The following LILRB3 variants were observed in gnomAD, a reference collection of about 807,000 sequenced individuals.
LILRB3 encodes the protein leukocyte immunoglobulin like receptor B3, also known as leukocyte immunoglobulin-like receptor subfamily B member 3.
In LILRB3, 32 loss-of-function variants were observed where a neutral mutation model predicts 68.2. That is an observed-to-expected ratio of 0.47 (90% CI 0.35 to 0.63). LILRB3 has a LOEUF of 0.63. Ranked by LOEUF, LILRB3 falls within the 30% of genes least tolerant of loss-of-function variation. LILRB3 has a pLI of 0.00. For synonymous variants in LILRB3, 185 were observed against 323.1 expected (o/e 0.57, Z 4.58); for missense variants, 502 against 791.3 (o/e 0.63, Z 4.39).
chr19:54,217,443 GTCACTGCCTGGGGGTCT>G lies in LILRB3; in HGVS notation c.1608_1624del (p.Glu536AspfsTer11), dbSNP rs950211323. 6.2e-7 allele frequency: 1 copy of G among 1,609,600 alleles called. No individual in the cohort carries two copies. Among genetic ancestry groups the G allele is most frequent in the Non-Finnish European group, 8.5e-7 (1 of 1,179,240 alleles). ...ACTGGAGTGTTTCACCGGGGCATACGTCACTGCCTGGGGGTCTTCATCGTGTGGGCTCTGCTGGAGAG... is the reference window on the plus strand; with the variant it reads ...ACTGGAGTGTTTCACCGGGGCATACGTCATCGTGTGGGCTCTGCTGGAGAG... On this transcript the variant is annotated frameshift_variant, in exon 12 of 13. Transcript: ENST00000445347. LOFTEE classifies it high-confidence loss of function.
exon 13 of LILRB3, chr19:54,217,010 T>A: frequency 6.2e-7 from 1 of 1,608,470 alleles, no homozygotes; most frequent in Non-Finnish European, 8.5e-7. Flanking sequence ...TGGGGTTCAC[T>A]GGTGTCCACT....
In LILRB3 at chr19:54,217,685, C is replaced by T. The variant is rs983720535; in HGVS notation, c.1594-211G>A. 72 of 920,464 alleles carry T rather than the reference C, an allele frequency of 7.8e-5. 1 individual carries two copies. In the African/African-American group the frequency reaches 1.2e-3, roughly 15 times the overall value. 57.0% of individuals were successfully genotyped at this position (920,464 alleles called of 1,614,324 possible). On this transcript the variant is annotated intron_variant, in intron 11 of 12. Coordinates refer to ENST00000445347, the Ensembl canonical transcript of LILRB3. ...GACCTTGCCCATTTGGCTGCAGCCT[C>T]ACAGGCCTTCCTGCAAGAGCTCGCT...
intron 7 of LILRB3, chr19:54,219,674 T>G (rs2147285067): frequency 1.4e-5 from 21 of 1,480,502 alleles, no homozygotes; most frequent in Non-Finnish European, 1.9e-5. Context: ...TCCCAGGAGG[T>G]CACAGCTGGG....
intron 3 of LILRB3, 53 bp from the exon 4 acceptor site, chr19:54,222,183 C>G (rs2078255446): frequency 1.2e-6 from 2 of 1,610,940 alleles, no homozygotes; most frequent in Admixed American, 3.3e-5. Context: ...CCCACATCAT[C>G]CCCAGGGCTG....
Position 54,217,103 on chromosome 19 carries a change from G to C in LILRB3, c.1886C>G (p.Ala629Gly), listed in dbSNP as rs371999995. The stretch of plus-strand genomic sequence containing the variant: ...TGCGTACCCCCCGGGCTAGTGGATG[G>C]CCAGAGTGGCGTAGATGCTGGGCTC... Residue 629 changes from alanine to glycine, a missense_variant, in exon 13 of 13, where the codon GCC (alanine) becomes GGC (glycine). Ala to Gly is a moderately conservative substitution (Grantham distance 60, BLOSUM62 0). Coordinates refer to ENST00000445347, the Ensembl canonical transcript of LILRB3. The C allele has an allele frequency of 1.9e-6, 3 of 1,614,058 alleles. No individual in the cohort carries two copies. In the African/African-American group the frequency reaches 4.0e-5, roughly 22 times the overall value.
intron 5 of LILRB3, 26 bp downstream of exon 5, chr19:54,221,057 C>G: frequency 7.3e-7 from 1 of 1,373,372 alleles, no homozygotes; most frequent in Non-Finnish European, 9.7e-7. Flanking sequence ...GCCTGGGTCC[C>G]TGACTGAACC....
At chr19:54,216,779 ACTT>A in exon 13 of LILRB3, 1 of 1,236,792 alleles carries the variant, frequency 8.1e-7, no homozygotes, top group Non-Finnish European at 1.0e-6. Flanking sequence ...AGCAGCCTTA[ACTT>A]CTTGTGTTCA....
Position 54,218,347 on chromosome 19 carries a change from G to A in LILRB3, c.1593+14C>T. On this transcript the variant is annotated intron_variant, in intron 11 of 12. Transcript: ENST00000445347. The stretch of plus-strand genomic sequence containing the variant: ...CAGGAGGCCTTTGGTGCCTGGGACG[G>A]GGCGGGATCTCACCTGACTGTCCAG... 1 of 1,613,894 alleles carries A rather than the reference G, an allele frequency of 6.2e-7. No homozygotes were observed. Among genetic ancestry groups the A allele is most frequent in the Non-Finnish European group, 8.5e-7 (1 of 1,179,990 alleles).
Position 54,221,360 on chromosome 19 carries a change from G to GGA in LILRB3, c.676_677dup (p.Leu227ProfsTer3), listed in dbSNP as rs2078158910. On this transcript the variant is annotated frameshift_variant, in exon 5 of 13. Coordinates refer to ENST00000445347, the Ensembl canonical transcript of LILRB3. LOFTEE classifies it high-confidence loss of function. Reference sequence around the variant, plus strand: ...GGACAGGGCCCTGCAGGGTCAGGAGGGAGGGCTTCCTAGACACGCCTGGAG... The same window carrying GGA: ...GGACAGGGCCCTGCAGGGTCAGGAGGGAGAGGGCTTCCTAGACACGCCTGGAG... 1 of 1,508,792 alleles carries GGA rather than the reference G, an allele frequency of 6.6e-7. No homozygotes were observed. The highest frequency in any genetic ancestry group is 8.9e-7 in the Non-Finnish European group (1 of 1,128,850). The allele number at this position is 1,508,792 out of a possible 1,614,324, so 93.5% of individuals were successfully genotyped here. A position where few individuals can be genotyped will look rare whatever the true frequency, so the allele number is the denominator to read the frequency against.
In LILRB3 at chr19:54,219,592, G is replaced by A. The variant is rs140191371; in HGVS notation, c.1310-347C>T. On this transcript the variant is annotated intron_variant, in intron 7 of 12. Transcript: ENST00000445347. ...CTCCCCTCCCCTGCCCCAGGTCACCGTCACTGCTGCAGGTGGGACGGGACA... is the reference window on the plus strand; with the variant it reads ...CTCCCCTCCCCTGCCCCAGGTCACCATCACTGCTGCAGGTGGGACGGGACA... 140 of 1,545,130 alleles carry A rather than the reference G, an allele frequency of 9.1e-5. No individual in the cohort carries two copies. The East Asian group carries it at 1.7e-3, about 19-fold the overall frequency.
Position 54,216,710 on chromosome 19 carries a change from G to T in LILRB3, c.*383C>A, listed in dbSNP as rs2077504293. ...CACTGTTTTTTTTTTTAGAGACAAGGTCTCGCTCTGTCACACAGGCTGGAG... is the reference window on the plus strand; with the variant it reads ...CACTGTTTTTTTTTTTAGAGACAAGTTCTCGCTCTGTCACACAGGCTGGAG... On this transcript the variant is annotated 3_prime_UTR_variant, in exon 13 of 13. Coordinates refer to ENST00000445347, the Ensembl canonical transcript of LILRB3. 12 of 1,083,200 alleles carry T rather than the reference G, an allele frequency of 1.1e-5. 1 individual carries two copies. In the South Asian group the frequency reaches 2.7e-4, roughly 24 times the overall value. 67.1% of individuals were successfully genotyped at this position (1,083,200 alleles called of 1,614,324 possible).
chr19:54,219,837 C>A (rs148495306), intron 7 of LILRB3: 1 of 1,542,428 alleles, frequency 6.5e-7, no homozygotes, highest in Non-Finnish European at 8.8e-7. Context: ...CCCTGGACCC[C>A]GCCCATCTCC....
exon 2 of LILRB3, chr19:54,222,766 G>T: frequency 1.2e-6 from 2 of 1,612,640 alleles, no homozygotes; most frequent in Admixed American, 1.7e-5. Flanking sequence ...TGCGGGTCCT[G>T]GGGCCCAGAC....
At chr19:54,222,886 T>C in intron 1 of LILRB3, 57 bp downstream of exon 1, 2 of 1,612,588 alleles carry the variant, frequency 1.2e-6, no homozygotes, top group Non-Finnish European at 1.7e-6. Flanking sequence ...AGGGCTTGTG[T>C]GTGGGGTGGG....
exon 8 of LILRB3, chr19:54,219,219 T>C (rs575041894): frequency 6.3e-7 from 1 of 1,595,522 alleles, no homozygotes; most frequent in Admixed American, 1.8e-5. Context: ...GAGACCCCAA[T>C]CAAAACCTCC....
intron 1 of LILRB3, 53 bp from the exon 2 acceptor site, chr19:54,222,835 GC>G (rs1386603532): frequency 9.3e-6 from 15 of 1,612,574 alleles, no homozygotes; most frequent in Non-Finnish European, 1.3e-5. Context: ...GCAGGTCCCC[GC>G]CCGGGTGCCT....
intron 8 of LILRB3, 79 bp downstream of exon 8, chr19:54,219,050 C>A (rs1207319890): frequency 4.5e-6 from 7 of 1,538,546 alleles, no homozygotes; most frequent in Non-Finnish European, 6.1e-6. Flanking sequence ...ACTGACACCC[C>A]TGTGTGTTTG....
Position 54,220,163 on chromosome 19 carries a change from G to A in LILRB3, c.1301C>T (p.Ser434Phe), listed in dbSNP as rs370212599. Reference sequence around the variant, plus strand: ...AGGCCTCAGTGACTCACCAGGTGTGGAGGGCGGCCCTGTGGGTGGGAGGCT... The same window carrying A: ...AGGCCTCAGTGACTCACCAGGTGTGAAGGGCGGCCCTGTGGGTGGGAGGCT... Residue 434 changes from serine (S) to phenylalanine (F), a missense_variant, in exon 7 of 13, where the codon TCC becomes TTC. Around this residue, in one of 8 missense-constraint regions of LILRB3, gnomAD observed 267 missense variants for 245.5 expected, o/e 1.09. Transcript: ENST00000445347. 72 of 1,503,424 alleles carry A rather than the reference G, an allele frequency of 4.8e-5. No individual in the cohort carries two copies. The East Asian group carries it at 1.5e-3, about 31-fold the overall frequency. The allele number at this position is 1,503,424 out of a possible 1,614,324, so 93.1% of individuals were successfully genotyped here.
At chr19:54,222,282 C>T (rs1258442528) in exon 3 of LILRB3, 11 of 1,610,670 alleles carry the variant, frequency 6.8e-6, no homozygotes, top group Non-Finnish European at 9.3e-6. Context: ...TCTCACCTGT[C>T]ATCACCAGCT....
Sources: gnomAD v4.1 joint callset for allele counts on GRCh38, gnomAD v4.1.1 for gene constraint, gnomAD v4.1.1 regional missense constraint, MANE v1.5 for transcripts, NCBI Gene and HGNC (gene_info 2026-07-23, HGNC 2026-07-21) for gene names.